Variants in HMGCL observed in about 807,000 individuals in gnomAD.
HMGCL encodes hydroxymethylglutaryl-CoA lyase, mitochondrial.
In HMGCL, 26 loss-of-function variants were observed where a neutral mutation model predicts 37.3. The observed-to-expected ratio is 0.70, with a 90% CI of 0.51 to 0.97. The LOEUF (loss-of-function observed/expected upper bound fraction) is 0.97. Among genes scored for constraint, HMGCL ranks in the 50% least tolerant of loss-of-function variants. The pLI, the probability that HMGCL is intolerant of heterozygous loss-of-function variation, is 0.00. For synonymous variants in HMGCL, 151 were observed against 148.0 expected, an observed-to-expected ratio of 1.02 and a Z score of -0.15; for missense variants, 379 against 398.1, an observed-to-expected ratio of 0.95 and a Z score of 0.41.
rs1349964603 is a variant in HMGCL, at chr1:23,809,158, G to A, written c.562-835C>T. The stretch of plus-strand genomic sequence containing the variant: ...TGACCTCAGGTGATCCACATGCTTC[G>A]GCCTCCCGAAGTGCTGGGATTACAG... On this transcript the variant is annotated intron_variant, in intron 6 of 8. Coordinates refer to ENST00000374490, the MANE Select transcript of HMGCL (RefSeq NM_000191.3). 6.1e-5 allele frequency: 9 copies of A among 148,158 alleles called. No individual in the cohort carries two copies. The East Asian group carries it at 1.2e-3, about 19-fold the overall frequency. The allele number at this position is 148,158 out of a possible 1,614,324, so 9.2% of individuals were successfully genotyped here.
In HMGCL at chr1:23,825,399, T is replaced by A; in HGVS notation, c.17A>T (p.Lys6Met). The change falls in exon 1 of 9, where the codon AAG becomes ATG. Residue 6 changes from lysine to methionine, a missense_variant. Transcript: ENST00000374490. The part of the protein sequence containing the change: MAAMR[K>M]ALPRRLVGLA... The stretch of plus-strand genomic sequence containing the variant: ...GCCCACCAGTCGCCGCGGAAGCGCC[T>A]TCCTCATTGCTGCCATCTTGGCCCA... The A allele has an allele frequency of 6.4e-7, 1 of 1,560,384 alleles. No individual in the cohort carries two copies. Among genetic ancestry groups the A allele is most frequent in the Non-Finnish European group, 8.7e-7 (1 of 1,152,760 alleles).
intron 1 of HMGCL, among the ~76,000 whole-genome samples, chr1:23,823,521 T>C (rs1638760092): frequency 6.6e-6 from 1 of 151,602 alleles, no homozygotes; most frequent in Non-Finnish European, 1.5e-5. Flanking sequence ...CCTGGCTAAT[T>C]TTTTGTATTT....
chr1:23,812,408 G>A (rs111940968), intron 5 of HMGCL, among the ~76,000 whole-genome samples: 1 of 152,174 alleles, frequency 6.6e-6, no homozygotes, highest in South Asian at 2.1e-4. Flanking sequence ...CCATGCTGGT[G>A]TGCAGTGGCA....
intron 7 of HMGCL, 28 bp downstream of exon 7, chr1:23,808,107 G>A (rs757057030): frequency 4.4e-6 from 7 of 1,599,756 alleles, no homozygotes; most frequent in African/African-American, 1.3e-5. Context: ...CGTGACCTTT[G>A]GGAGAATGGG....
Position 23,814,171 on chromosome 1 carries a change from C to T in HMGCL, c.497+19G>A, listed in dbSNP as rs187735179. ...CCAGAACGGTACAGAGGAAAGGATA[C>T]CAATGTGCTCTGACTCACCCCCGCA... On this transcript the variant is annotated intron_variant, in intron 5 of 8. Transcript: ENST00000374490. 3.0e-4 allele frequency: 479 copies of T among 1,612,754 alleles called. 1 individual carries two copies. The African/African-American group carries it at 5.5e-3, about 19-fold the overall frequency.
At chr1:23,816,088 ATTT>A (rs35297134) in intron 4 of HMGCL, among the ~76,000 whole-genome samples, 4 of 130,458 alleles carry the variant, frequency 3.1e-5, no homozygotes, top group African/African-American at 2.8e-5. Flanking sequence ...CAGCTAATTG[ATTT>A]TTTTTTTTTT....
At chr1:23,822,704 T>G (rs1638742802) in intron 1 of HMGCL, among the ~76,000 whole-genome samples, 1 of 152,214 alleles carries the variant, frequency 6.6e-6, no homozygotes, top group African/African-American at 2.4e-5. Flanking sequence ...TCCCTGCAAC[T>G]TGAATCTCCC....
intron 1 of HMGCL, among the ~76,000 whole-genome samples, chr1:23,823,022 A>ATAAATTAGC (rs1638749248): frequency 6.6e-6 from 1 of 152,060 alleles, no homozygotes; most frequent in Admixed American, 6.6e-5. Flanking sequence ...CTAAAAACAC[A>ATAAATTAGC]TAAATTAGCT....
chr1:23,820,686 A>G (rs1300269506), intron 1 of HMGCL, 93 bp from the exon 2 acceptor site: 7 of 826,832 alleles, frequency 8.5e-6, no homozygotes, highest in Non-Finnish European at 1.5e-5. Context: ...ATCTTCACTA[A>G]TAATGAGACA....
At chr1:23,814,048 T>C (rs1638570185) in intron 5 of HMGCL, 142 bp downstream of exon 5, 1 of 896,104 alleles carries the variant, frequency 1.1e-6, no homozygotes, top group Non-Finnish European at 1.8e-6. Flanking sequence ...ACCACACTTA[T>C]TTGGGAAAAG....
At chr1:23,815,457 G>A (rs1313090713) in intron 4 of HMGCL, among the ~76,000 whole-genome samples, 1 of 151,366 alleles carries the variant, frequency 6.6e-6, no homozygotes, top group Non-Finnish European at 1.5e-5. Context: ...AATTTCTGTT[G>A]TTTTTAAGCC....
chr1:23,823,678 G>A (rs913780406), intron 1 of HMGCL, among the ~76,000 whole-genome samples: 6 of 151,936 alleles, frequency 3.9e-5, no homozygotes, highest in African/African-American at 1.5e-4. Flanking sequence ...AACCCATACT[G>A]TCCTCTCAAC....
chr1:23,802,076 A>G lies in HMGCL; in HGVS notation c.*387T>C, dbSNP rs550831724. On this transcript the variant is annotated 3_prime_UTR_variant, in exon 9 of 9. Transcript: ENST00000374490. Reference sequence around the variant, plus strand: ...TGAGAAGTCAGAGAGCAAGGGCCCCACGGCCATGGCAGGGTGGAGCCGTGT... The same window carrying G: ...TGAGAAGTCAGAGAGCAAGGGCCCCGCGGCCATGGCAGGGTGGAGCCGTGT... 7.3e-5 allele frequency: 36 copies of G among 493,316 alleles called. No homozygotes were observed. The highest frequency in any genetic ancestry group is 5.2e-4 in the Middle Eastern group (1 of 1,906). 30.6% of individuals were successfully genotyped at this position (493,316 alleles called of 1,614,324 possible).
At chr1:23,819,991 TTTAAG>T (rs1419870719) in intron 2 of HMGCL, among the ~76,000 whole-genome samples, 2 of 152,296 alleles carry the variant, frequency 1.3e-5, no homozygotes, top group African/African-American at 4.8e-5. Context: ...ATACTAAATA[TTTAAG>T]TTGTTTCCAA....
At chr1:23,819,454 C>T (rs1326082533) in intron 2 of HMGCL, among the ~76,000 whole-genome samples, 1 of 152,264 alleles carries the variant, frequency 6.6e-6, no homozygotes, top group Admixed American at 6.5e-5. Context: ...CATGGCCAGG[C>T]GCATTGGCTC....
At position 23,806,803 on chromosome 1, in the gene HMGCL, G is replaced by T. The variant is rs1638418559; in HGVS notation, c.750+1332C>A. 1 of 375,616 alleles carries T rather than the reference G, an allele frequency of 2.7e-6. No individual in the cohort carries two copies. The highest frequency in any genetic ancestry group is 2.0e-5 in the South Asian group (1 of 50,550). 23.3% of individuals were successfully genotyped at this position (375,616 alleles called of 1,614,324 possible). On this transcript the variant is annotated intron_variant, in intron 7 of 8. Transcript: ENST00000374490. This position sits in a 1 kb window ranked among gnomAD's most constrained non-coding sequence, Gnocchi z 4.0. ...TGCCTAGCACACTAGGCACCGTTAG[G>T]TTAGGTTTTAATAGGTGAATAAATG...
At position 23,808,226 on chromosome 1, in the gene HMGCL, G is replaced by A; in HGVS notation, c.659C>T (p.Ala220Val). The change falls in exon 7 of 9, where the codon GCT becomes GTT. Residue 220 changes from alanine to valine, a missense_variant. By Grantham distance (64) the Ala-to-Val change is moderately conservative. Coordinates refer to ENST00000374490, the MANE Select transcript of HMGCL (RefSeq NM_000191.3). ...AGCCAGAGGCACTTCCTGCATGACA[G>A]CAGATAGCATGTCTTTCATGATCCC... ...TPGIMKDMLSAVMQEVPLAAL... is the reference protein window; with the variant it reads ...TPGIMKDMLSVVMQEVPLAAL... 1 of 1,613,890 alleles carries A rather than the reference G, an allele frequency of 6.2e-7. No homozygotes were observed. The highest frequency in any genetic ancestry group is 1.1e-5 in the South Asian group (1 of 91,070).
Position 23,802,476 on chromosome 1 carries a change from G to A in HMGCL, c.965C>T (p.Thr322Ile), listed in dbSNP as rs754691666. The change falls in exon 9 of 9, where the codon ACC becomes ATC. Residue 322 changes from threonine (T) to isoleucine (I), a missense_variant. Transcript: ENST00000374490. ...TGGGCAAGGGGCTCAGAGTTTACAG[G>A]TAGCCTGAGCCACTTTGGAGCTAGT... The part of the protein sequence containing the change: ...RKTSSKVAQA[T>I]CKL 4 of 1,609,840 alleles carry A rather than the reference G, an allele frequency of 2.5e-6. No homozygotes were observed. Among genetic ancestry groups the A allele is most frequent in the South Asian group, 2.2e-5 (2 of 91,012 alleles).
intron 4 of HMGCL, among the ~76,000 whole-genome samples, chr1:23,815,206 A>T (rs1329583216): frequency 1.3e-5 from 2 of 151,452 alleles, no homozygotes; most frequent in African/African-American, 4.8e-5. Flanking sequence ...GACTCTGTCT[A>T]AAAAAAACAA....
Sources: allele counts gnomAD v4.1 joint callset (sites outside exome capture counted in the v4.1 genomes callset), GRCh38; gene constraint gnomAD v4.1.1; non-coding constraint Gnocchi (gnomAD v3.1); transcripts MANE v1.5; gene names NCBI Gene and HGNC (gene_info 2026-07-23, HGNC 2026-07-21).